The following RCAN2 variants were observed in gnomAD, a reference collection of about 807,000 sequenced individuals.
RCAN2 encodes calcipressin-2.
In RCAN2, 9 loss-of-function variants were observed where a neutral mutation model predicts 23.6. The ratio of observed to expected loss-of-function variants is 0.38; its 90% CI spans 0.23 to 0.67. RCAN2 has a LOEUF of 0.67. RCAN2 is among the 30% of genes least tolerant of loss of function. The probability of loss-of-function intolerance (pLI) is 0.51; values close to 1 mark genes in which losing one functional copy is unlikely to be tolerated. For synonymous variants in RCAN2, 109 were observed against 115.7 expected (o/e 0.94, Z 0.37); for missense variants, 273 against 302.3 (o/e 0.90, Z 0.72).
intron 2 of RCAN2, among the ~76,000 whole-genome samples, chr6:46,429,369 A>G (rs2150416059): frequency 6.6e-6 from 1 of 152,320 alleles, no homozygotes; most frequent in East Asian, 1.9e-4. Context: ...TGATAGATCT[A>G]TGTGAATATC....
chr6:46,448,588 C>A (rs947960071), intron 2 of RCAN2, among the ~76,000 whole-genome samples: 1 of 151,696 alleles, frequency 6.6e-6, no homozygotes, highest in Non-Finnish European at 1.5e-5. Flanking sequence ...CACAAAATAC[C>A]TGTAAACCAA....
chr6:46,386,332 C>T (rs1765745281), intron 2 of RCAN2, among the ~76,000 whole-genome samples: 1 of 151,946 alleles, frequency 6.6e-6, no homozygotes, highest in Admixed American at 6.6e-5. Flanking sequence ...GGTGCGGTGG[C>T]TCACACCTGT....
At chr6:46,402,342 G>T (rs1021926259) in intron 2 of RCAN2, among the ~76,000 whole-genome samples, 1 of 152,088 alleles carries the variant, frequency 6.6e-6, no homozygotes, top group Non-Finnish European at 1.5e-5. Flanking sequence ...CGAAGGGAAG[G>T]CCTCTGGAGC....
intron 2 of RCAN2, among the ~76,000 whole-genome samples, chr6:46,420,991 A>G (rs927308158): frequency 1.3e-5 from 2 of 152,250 alleles, no homozygotes; most frequent in African/African-American, 4.8e-5. Flanking sequence ...ATCCCTGGTT[A>G]CAGGAGCTCA....
intron 1 of RCAN2, among the ~76,000 whole-genome samples, chr6:46,469,861 C>A (rs775969885): frequency 6.6e-6 from 1 of 152,150 alleles, no homozygotes; most frequent in Non-Finnish European, 1.5e-5. Flanking sequence ...CTTCATGTAG[C>A]ATTCAGCTAG....
intron 1 of RCAN2, chr6:46,468,733 C>G: frequency 3.9e-5 from 28 of 724,390 alleles, no homozygotes; most frequent in South Asian, 6.2e-5. Flanking sequence ...CAGATTCCCT[C>G]TCTCCCCTCT....
In RCAN2 at chr6:46,223,259, C is replaced by G. The variant is rs774854698; in HGVS notation, c.614G>C (p.Ser205Thr). 6.2e-7 allele frequency: 1 copy of G among 1,613,976 alleles called. No homozygotes were observed. Among genetic ancestry groups the G allele is most frequent in the South Asian group, 1.1e-5 (1 of 91,072 alleles). The change falls in exon 5 of 5, where the codon AGT becomes ACT. Residue 205 changes from serine (S) to threonine (T), a missense_variant. Ser to Thr is a moderately conservative substitution (Grantham distance 58). Transcript: ENST00000371374. The stretch of plus-strand genomic sequence containing the variant: ...ACTGTCGCACACGTGCACGACGACA[C>G]TTGGGGTGGACTCAGTCCCTGCATG... ...ELHAGTESTP[S>T]VVVHVCDSDI...
chr6:46,282,147 C>G (rs575261599), intron 2 of RCAN2, among the ~76,000 whole-genome samples: 38 of 152,290 alleles, frequency 2.5e-4, no homozygotes, highest in Admixed American at 3.9e-4. Context: ...ACAACTACTT[C>G]GCATTTCCCC....
chr6:46,360,087 C>G (rs1396936363), intron 2 of RCAN2, among the ~76,000 whole-genome samples: 2 of 152,116 alleles, frequency 1.3e-5, no homozygotes, highest in African/African-American at 4.8e-5. Context: ...GTGATGAGAT[C>G]CCCCAGGGGA....
chr6:46,289,172 A>T lies in RCAN2; in HGVS notation c.226-40276T>A, dbSNP rs192700032. Among the ~76,000 whole-genome samples the T allele has an allele frequency of 3.3e-5, 5 of 152,340 alleles. No homozygotes were observed. The East Asian group carries it at 9.6e-4, about 29-fold the overall frequency. On this transcript the variant is annotated intron_variant, in intron 2 of 4. Transcript: ENST00000371374. ...GATTCAAAAACTGGGTCTGATGCCA[A>T]CTTCCTTCCTCTCCTACATGGACCT...
intron 2 of RCAN2, among the ~76,000 whole-genome samples, chr6:46,378,492 A>G (rs147635015): frequency 6.6e-6 from 1 of 152,344 alleles, no homozygotes; most frequent in East Asian, 1.9e-4. Context: ...AGGATTTACC[A>G]GAGTATTAAT....
chr6:46,449,919 T>C (rs1767826158), intron 2 of RCAN2, among the ~76,000 whole-genome samples: 1 of 151,896 alleles, frequency 6.6e-6, no homozygotes, highest in African/African-American at 2.4e-5. Context: ...TAATGACTTT[T>C]TGGATATGAC....
intron 2 of RCAN2, among the ~76,000 whole-genome samples, chr6:46,355,341 C>T (rs1478446941): frequency 6.6e-6 from 1 of 152,134 alleles, no homozygotes; most frequent in African/African-American, 2.4e-5. Flanking sequence ...GTTCTAGAAG[C>T]CCCTTAATAG....
intron 2 of RCAN2, among the ~76,000 whole-genome samples, chr6:46,263,568 T>TGC (rs1767216186): frequency 6.7e-6 from 1 of 149,828 alleles, no homozygotes; most frequent in Admixed American, 6.7e-5. Flanking sequence ...TGTATGTGTG[T>TGC]GTGTGTTAGT....
At chr6:46,255,761 T>C (rs1766890623) in intron 2 of RCAN2, among the ~76,000 whole-genome samples, 1 of 151,900 alleles carries the variant, frequency 6.6e-6, no homozygotes, top group Non-Finnish European at 1.5e-5. Context: ...CCGCAGGGTA[T>C]GGCAGCATAG....
chr6:46,431,927 T>G (rs1767222429), intron 2 of RCAN2, among the ~76,000 whole-genome samples: 1 of 152,182 alleles, frequency 6.6e-6, no homozygotes, highest in Non-Finnish European at 1.5e-5. Context: ...TACATCCGTA[T>G]GTTTATATGT....
At chr6:46,377,855 T>C (rs1446046394) in intron 2 of RCAN2, among the ~76,000 whole-genome samples, 1 of 152,182 alleles carries the variant, frequency 6.6e-6, no homozygotes, top group Non-Finnish European at 1.5e-5. Flanking sequence ...CACTTGTTAA[T>C]TATATCACCT....
chr6:46,338,258 T>C (rs1764202842), intron 2 of RCAN2, among the ~76,000 whole-genome samples: 1 of 152,170 alleles, frequency 6.6e-6, no homozygotes, highest in Non-Finnish European at 1.5e-5. Context: ...GCCAAAATGA[T>C]ACAGAAACCA....
At chr6:46,307,239 G>T (rs1309849804) in intron 2 of RCAN2, among the ~76,000 whole-genome samples, 2 of 152,182 alleles carry the variant, frequency 1.3e-5, no homozygotes, top group African/African-American at 4.8e-5. Flanking sequence ...CTTTAGGTTA[G>T]TCAGGGAGAT....
Sources: allele counts gnomAD v4.1 joint callset (sites outside exome capture counted in the v4.1 genomes callset), GRCh38; gene constraint gnomAD v4.1.1; transcripts MANE v1.5; gene names NCBI Gene and HGNC (gene_info 2026-07-23, HGNC 2026-07-21).